ANK3: variants seen among roughly 807,000 people sequenced by gnomAD.
ANK3 encodes ankyrin-3.
Under a neutral mutation model 370.9 loss-of-function variants are expected in ANK3, and 57 were observed. The ratio of observed to expected loss-of-function variants is 0.15; its 90% CI spans 0.12 to 0.19. ANK3 has a LOEUF of 0.19. Among genes scored for constraint, ANK3 ranks in the 10% least tolerant of loss-of-function variants. The pLI, the probability that ANK3 is intolerant of heterozygous loss-of-function variation, is 1.00. For synonymous variants in ANK3, 1,929 were observed against 1,946.3 expected (o/e 0.99, Z 0.23); for missense variants, 4,439 against 5,302.1 (o/e 0.84, Z 5.06).
intron 2 of ANK3, among the ~76,000 whole-genome samples, chr10:60,464,725 A>G (rs533610165): frequency 6.6e-6 from 1 of 152,314 alleles, no homozygotes; most frequent in East Asian, 1.9e-4. Context: ...CATGTCAAAT[A>G]TTCAACAACA....
At chr10:60,146,153 A>C (rs2094812603) in intron 23 of ANK3, 2 of 1,301,760 alleles carry the variant, frequency 1.5e-6, no homozygotes, top group Admixed American at 5.5e-5. Flanking sequence ...CCATGTAGAT[A>C]CGAAGATGTG....
At chr10:60,646,072 T>C (rs1311550103) in intron 1 of ANK3, among the ~76,000 whole-genome samples, 2 of 152,032 alleles carry the variant, frequency 1.3e-5, no homozygotes, top group African/African-American at 4.8e-5. Context: ...TGACACTGGG[T>C]TGGGGGCCTT....
chr10:60,060,013 A>AAGAC, intron 40 of ANK3: 14 of 1,560,984 alleles, frequency 9.0e-6, no homozygotes, highest in Non-Finnish European at 1.2e-5. Flanking sequence ...TAACCTATGG[A>AAGAC]AGACAGTACA....
chr10:60,288,776 T>A (rs1364933558), intron 1 of ANK3, among the ~76,000 whole-genome samples: 1 of 152,092 alleles, frequency 6.6e-6, no homozygotes, highest in Non-Finnish European at 1.5e-5. Flanking sequence ...TTGAAAGCTA[T>A]ATATTGACCC....
At chr10:60,709,158 A>G (rs1173891944) in intron 1 of ANK3, among the ~76,000 whole-genome samples, 7 of 152,216 alleles carry the variant, frequency 4.6e-5, no homozygotes, top group Non-Finnish European at 7.3e-5. Flanking sequence ...CAAGCATCAC[A>G]GCCAGACTCA....
intron 1 of ANK3, among the ~76,000 whole-genome samples, chr10:60,364,643 TAACA>T (rs1464149058): frequency 6.6e-6 from 1 of 152,068 alleles, no homozygotes. Context: ...TATACCTAAG[TAACA>T]AACCTGCACA....
At chr10:60,552,548 T>C (rs541036890) in intron 2 of ANK3, among the ~76,000 whole-genome samples, 7 of 152,250 alleles carry the variant, frequency 4.6e-5, no homozygotes, top group Non-Finnish European at 1.0e-4. Context: ...GAAGATTTAC[T>C]TACTACTGCT....
In ANK3 at chr10:60,656,736, T is replaced by C. The variant is rs367664001; in HGVS notation, c.58-41512A>G. On this transcript the variant is annotated intron_variant, in intron 1 of 43. Transcript: ENST00000373827. ...ACATTGATATGTGGTATTTTTATTA[T>C]CATTGAACTCAAAATATCTAATTTC... Among the ~76,000 whole-genome samples, 5 of 152,266 alleles carry C rather than the reference T, an allele frequency of 3.3e-5. No homozygotes were observed. In the East Asian group the frequency reaches 9.6e-4, roughly 29 times the overall value.
intron 1 of ANK3, among the ~76,000 whole-genome samples, chr10:60,635,081 GT>G (rs1332917314): frequency 6.6e-6 from 1 of 152,138 alleles, no homozygotes; most frequent in Admixed American, 6.6e-5. Flanking sequence ...TTAAACAAAG[GT>G]TTATGATACT....
At position 60,073,754 on chromosome 10, in the gene ANK3, A is replaced by G; in HGVS notation, c.7127T>C (p.Leu2376Pro). The stretch of plus-strand genomic sequence containing the variant: ...AGGAAAAGCATCGTGTTTTTCTGGC[A>G]GAAAATCTTTTAGGTTAATATCTCC... ...SRGDINLKDF[L>P]PEKHDAFPCS... Residue 2376 changes from leucine to proline, a missense_variant, in exon 37 of 44, where the codon CTG becomes CCG. Transcript: ENST00000280772. The G allele has an allele frequency of 6.2e-7, 1 of 1,613,884 alleles. No homozygotes were observed. The highest frequency in any genetic ancestry group is 8.5e-7 in the Non-Finnish European group (1 of 1,180,014).
chr10:60,578,460 G>T (rs2077708516), intron 2 of ANK3, among the ~76,000 whole-genome samples: 1 of 152,110 alleles, frequency 6.6e-6, no homozygotes. Flanking sequence ...CTAAATCCAT[G>T]TGTTTTACTT....
rs1468669131 is a variant in ANK3, at chr10:60,071,557, C to T, written c.9324G>A (p.Glu3108=). The T allele has an allele frequency of 1.9e-6, 3 of 1,613,926 alleles. No homozygotes were observed. Among genetic ancestry groups the T allele is most frequent in the Admixed American group, 1.7e-5 (1 of 59,980 alleles). ...FVQVGKQYEK[E]IQQGGVKKII... ...TTTTTTTTACACCTCCTTGTTGTAT[C>T]TCCTTTTCATATTGCTTCCCCACTT... Residue 3108 remains glutamate (E), a synonymous_variant, in exon 37 of 44, where the codon GAG becomes GAA. Coordinates refer to ENST00000280772, the MANE Select transcript of ANK3 (RefSeq NM_020987.5).
At chr10:60,392,705 G>C (rs2063137607), upstream of ANK3, among the ~76,000 whole-genome samples, 2 of 152,170 alleles carry the variant, frequency 1.3e-5, no homozygotes, top group Admixed American at 6.5e-5. Context: ...GAGGTGGGCA[G>C]ATCACTTGAG....
At chr10:60,221,502 C>T (rs527555985) in intron 8 of ANK3, among the ~76,000 whole-genome samples, 9 of 152,170 alleles carry the variant, frequency 5.9e-5, no homozygotes, top group Middle Eastern at 3.2e-3. Flanking sequence ...AATTGTCACC[C>T]CATGGTCAGT....
intron 1 of ANK3, among the ~76,000 whole-genome samples, chr10:60,314,495 C>G (rs1566507877): frequency 6.6e-6 from 1 of 152,090 alleles, no homozygotes; most frequent in Non-Finnish European, 1.5e-5. Flanking sequence ...CTAGGCCAGA[C>G]AGGAAATGCA....
chr10:60,657,815 A>G (rs2133368882), intron 1 of ANK3, among the ~76,000 whole-genome samples: 1 of 152,178 alleles, frequency 6.6e-6, no homozygotes, highest in Non-Finnish European at 1.5e-5. Context: ...CATTACTAAG[A>G]GATGTGTCTG....
intron 1 of ANK3, among the ~76,000 whole-genome samples, chr10:60,694,926 T>C (rs2079421372): frequency 6.7e-6 from 1 of 148,590 alleles, no homozygotes. Flanking sequence ...ATGGACTAAA[T>C]GCTCCAATTA....
chr10:60,125,812 T>A (rs996279967), intron 25 of ANK3, among the ~76,000 whole-genome samples: 1 of 152,190 alleles, frequency 6.6e-6, no homozygotes, highest in African/African-American at 2.4e-5. Context: ...AATGCTTGGA[T>A]CTTGAAAATA....
chr10:60,307,571 C>G (rs1338272723), intron 1 of ANK3, among the ~76,000 whole-genome samples: 1 of 151,588 alleles, frequency 6.6e-6, no homozygotes, highest in African/African-American at 2.4e-5. Context: ...AACTCTTGAG[C>G]TCAAGCAATC....
Sources: gnomAD v4.1 joint callset for allele counts (sites outside exome capture counted in the v4.1 genomes callset) on GRCh38, gnomAD v4.1.1 for gene constraint, MANE v1.5 for transcripts, NCBI Gene and HGNC (gene_info 2026-07-23, HGNC 2026-07-21) for gene names.